CSMD1: variants seen among roughly 807,000 people sequenced by gnomAD.
The protein encoded by CSMD1 is CUB and Sushi multiple domains 1.
In CSMD1, 213 loss-of-function variants were observed where a neutral mutation model predicts 417.5. The ratio of observed to expected loss-of-function variants is 0.51; its 90% CI spans 0.46 to 0.57. The LOEUF (loss-of-function observed/expected upper bound fraction) is 0.57. CSMD1 is among the 20% of genes least tolerant of loss of function. The pLI is 0.00. For missense variants in CSMD1, 6,923 were observed against 4,529.7 expected, an observed-to-expected ratio of 1.53 and a Z score of -15.17; for synonymous variants, 2,862 against 1,736.8, an observed-to-expected ratio of 1.65 and a Z score of -16.11.
chr8:3,969,890 G>A (rs1283753154), intron 5 of CSMD1, among the ~76,000 whole-genome samples: 2 of 152,024 alleles, frequency 1.3e-5, no homozygotes, highest in African/African-American at 2.4e-5. Context: ...CAAAGCTCTG[G>A]ATAATTTGCA....
At chr8:3,118,237 A>C (rs2129018994) in intron 42 of CSMD1, among the ~76,000 whole-genome samples, 162 bp downstream of exon 42, 1 of 152,342 alleles carries the variant, frequency 6.6e-6, no homozygotes, top group Non-Finnish European at 1.5e-5. Flanking sequence ...ACAGCATGCG[A>C]CATATTCCTT....
At chr8:4,012,976 T>C (rs941737991) in intron 4 of CSMD1, among the ~76,000 whole-genome samples, 3 of 152,154 alleles carry the variant, frequency 2.0e-5, no homozygotes, top group Non-Finnish European at 2.9e-5. Flanking sequence ...TCCTGTCATC[T>C]CTCAAGTAAC....
intron 2 of CSMD1, among the ~76,000 whole-genome samples, chr8:4,566,365 T>C (rs971003647): frequency 2.0e-5 from 3 of 152,092 alleles, no homozygotes; most frequent in African/African-American, 7.2e-5. Context: ...TTATAAGAAA[T>C]TTAGTTGGCC....
intron 3 of CSMD1, among the ~76,000 whole-genome samples, chr8:4,211,394 A>T (rs891097228): frequency 6.6e-6 from 1 of 152,178 alleles, no homozygotes; most frequent in Non-Finnish European, 1.5e-5. Flanking sequence ...ATTTAAAATT[A>T]TTTTACCTAA....
intron 10 of CSMD1, among the ~76,000 whole-genome samples, chr8:3,527,987 G>A (rs1037743678): frequency 2.6e-5 from 4 of 152,034 alleles, no homozygotes; most frequent in South Asian, 2.1e-4. Context: ...CACGCCAGTC[G>A]TACTTCTCCC....
chr8:4,972,191 C>T (rs1011586), intron 1 of CSMD1, among the ~76,000 whole-genome samples: 77,305 of 151,854 alleles, frequency 0.51, 20,261 homozygotes, highest in Middle Eastern at 0.62. Flanking sequence ...ACAGAGACTT[C>T]AGGCTTAGTA....
chr8:3,270,082 C>G (rs1439150178), intron 26 of CSMD1, among the ~76,000 whole-genome samples: 1 of 129,276 alleles, frequency 7.7e-6, no homozygotes, highest in East Asian at 2.2e-4. Context: ...TGGAGTCTTG[C>G]TCTGTTGCCC....
At chr8:3,498,253 T>A (rs1302218681) in intron 10 of CSMD1, among the ~76,000 whole-genome samples, 1 of 152,232 alleles carries the variant, frequency 6.6e-6, no homozygotes, top group East Asian at 1.9e-4. Context: ...TGAAGTTTTT[T>A]ATTATGTATT....
At position 3,915,993 on chromosome 8, in the gene CSMD1, G is replaced by C. The variant is rs376405471; in HGVS notation, c.818+81910C>G. On this transcript the variant is annotated intron_variant, in intron 5 of 69. Transcript: ENST00000635120. ...GCATTTGAGTGAGATTCATAAGATT[G>C]ATATAATGCAATTAGTTGGAAAATG... Among the ~76,000 whole-genome samples the C allele has an allele frequency of 1.6e-3, 244 of 151,584 alleles. 1 individual carries two copies. The highest frequency in any genetic ancestry group is 5.7e-3 in the African/African-American group (234 of 41,260).
chr8:3,261,984 G>A (rs1172781117), intron 26 of CSMD1, among the ~76,000 whole-genome samples: 1 of 151,694 alleles, frequency 6.6e-6, no homozygotes, highest in Admixed American at 6.6e-5. Context: ...TCTACAGGAT[G>A]TTACTCTTGG....
chr8:3,933,133 T>C (rs1178011379), intron 5 of CSMD1, among the ~76,000 whole-genome samples: 1 of 137,284 alleles, frequency 7.3e-6, no homozygotes, highest in South Asian at 2.4e-4. Context: ...TTTTGATTTT[T>C]ACCAATGTAA....
intron 5 of CSMD1, among the ~76,000 whole-genome samples, chr8:3,882,203 A>G (rs1390766794): frequency 1.3e-5 from 2 of 152,190 alleles, no homozygotes; most frequent in Non-Finnish European, 2.9e-5. Context: ...CAAGAAAGAG[A>G]GAGACAACCC....
At chr8:3,732,319 G>C (rs1016909881) in intron 6 of CSMD1, among the ~76,000 whole-genome samples, 3 of 152,192 alleles carry the variant, frequency 2.0e-5, no homozygotes, top group African/African-American at 4.8e-5. Context: ...TTTTGATCAA[G>C]TCATTTAACC....
intron 1 of CSMD1, among the ~76,000 whole-genome samples, chr8:4,925,681 G>C (rs574059608): frequency 1.3e-5 from 2 of 151,946 alleles, no homozygotes; most frequent in African/African-American, 4.8e-5. Flanking sequence ...CAAGTAGCTG[G>C]GACTACAGGC....
At chr8:3,960,568 T>G (rs1563256591) in intron 5 of CSMD1, among the ~76,000 whole-genome samples, 1 of 152,174 alleles carries the variant, frequency 6.6e-6, no homozygotes, top group African/African-American at 2.4e-5. Flanking sequence ...TCTTGAGGAT[T>G]TAATTACTGA....
chr8:3,469,036 C>G (rs1482004698), intron 11 of CSMD1: 2 of 392,056 alleles, frequency 5.1e-6, no homozygotes, highest in African/African-American at 4.1e-5. Context: ...TATTCTATGG[C>G]TGCCAATTCG....
chr8:4,273,140 C>T (rs1275391475), intron 3 of CSMD1, among the ~76,000 whole-genome samples: 2 of 152,024 alleles, frequency 1.3e-5, no homozygotes, highest in African/African-American at 4.8e-5. Flanking sequence ...GGGAAAATTA[C>T]CATTTACTCT....
intron 1 of CSMD1, among the ~76,000 whole-genome samples, chr8:4,709,721 A>G (rs545768977): frequency 6.6e-6 from 1 of 152,318 alleles, no homozygotes; most frequent in South Asian, 2.1e-4. Flanking sequence ...TGGGAAGCAT[A>G]GCAGGAAGGC....
intron 5 of CSMD1, among the ~76,000 whole-genome samples, chr8:3,920,536 T>C (rs781776395): frequency 1.3e-5 from 2 of 152,122 alleles, no homozygotes; most frequent in Non-Finnish European, 2.9e-5. Flanking sequence ...TTGGCACGAG[T>C]AGGCAACTTG....
Sources: allele counts gnomAD v4.1 joint callset (sites outside exome capture counted in the v4.1 genomes callset), GRCh38; gene constraint gnomAD v4.1.1; transcripts MANE v1.5; gene names NCBI Gene and HGNC (gene_info 2026-07-23, HGNC 2026-07-21).